The following APMAP variants were observed in gnomAD, a reference collection of about 807,000 sequenced individuals.
APMAP encodes adipocyte plasma membrane-associated protein.
In APMAP, 33 loss-of-function variants were observed where a neutral mutation model predicts 43.6. The ratio of observed to expected loss-of-function variants is 0.76; its 90% confidence interval spans 0.57 to 1.01. The LOEUF (loss-of-function observed/expected upper bound fraction) is 1.01. Ranked by LOEUF, APMAP falls within the 50% of genes least tolerant of loss-of-function variation. APMAP has a pLI of 0.00. For synonymous variants in APMAP, 224 were observed against 216.7 expected, an observed-to-expected ratio of 1.03 and a Z score of -0.30; for missense variants, 498 against 540.7, an observed-to-expected ratio of 0.92 and a Z score of 0.78.
intron 3 of APMAP, among the ~76,000 whole-genome samples, chr20:24,977,546 A>C (rs917018453): frequency 6.6e-6 from 1 of 152,226 alleles, no homozygotes; most frequent in African/African-American, 2.4e-5. Flanking sequence ...CAGCAGTGGC[A>C]GGTCCCTGCG....
intron 1 of APMAP, among the ~76,000 whole-genome samples, chr20:24,990,551 C>T (rs1009995824): frequency 2.0e-5 from 3 of 152,194 alleles, no homozygotes; most frequent in African/African-American, 7.2e-5. Flanking sequence ...ATATGTCTTT[C>T]AAGGCTTCCT....
At chr20:24,991,402 G>A (rs1183032750) in intron 1 of APMAP, among the ~76,000 whole-genome samples, 2 of 152,192 alleles carry the variant, frequency 1.3e-5, no homozygotes, top group Admixed American at 6.5e-5. Flanking sequence ...GGAAACCCCA[G>A]TCCAGGGCAA....
Position 24,963,022 on chromosome 20 carries a change from T to C in APMAP, c.*791A>G, listed in dbSNP as rs1020023921. 1.3e-5 allele frequency: 2 copies of C among 152,184 alleles called. No individual in the cohort carries two copies. The highest frequency in any genetic ancestry group is 4.8e-5 in the African/African-American group (2 of 41,430). 9.4% of individuals were successfully genotyped at this position (152,184 alleles called of 1,614,324 possible). A position where few individuals can be genotyped will look rare whatever the true frequency, so the allele number is the denominator to read the frequency against. Reference sequence around the variant, plus strand: ...TGAAAATATACAGCAACTTGGGGCTTATAACACATGAGCAAAGATGACATT... The same window carrying C: ...TGAAAATATACAGCAACTTGGGGCTCATAACACATGAGCAAAGATGACATT... On this transcript the variant is annotated 3_prime_UTR_variant, in exon 9 of 9. Coordinates refer to ENST00000217456, the MANE Select transcript of APMAP (RefSeq NM_020531.3).
At position 24,978,894 on chromosome 20, in the gene APMAP, T is replaced by C. The variant is rs753776971; in HGVS notation, c.213-12A>G. On this transcript the variant is annotated splice_polypyrimidine_tract_variant and intron_variant, in intron 2 of 8. Coordinates refer to ENST00000217456, the MANE Select transcript of APMAP (RefSeq NM_020531.3). ...GGGGTTCTTTGAAGCTGCAAAATAA[T>C]GCAATTCCAGAGATCTGTCTATAAA... 1.3e-6 allele frequency: 2 copies of C among 1,593,100 alleles called. No homozygotes were observed. The highest frequency in any genetic ancestry group is 3.3e-5 in the Admixed American group (2 of 59,958).
At chr20:24,971,209 GA>G (rs1445625636) in intron 5 of APMAP, among the ~76,000 whole-genome samples, 3 of 152,188 alleles carry the variant, frequency 2.0e-5, no homozygotes, top group African/African-American at 4.8e-5. Context: ...GTCCTTTTGA[GA>G]CCCTGTGGCT....
chr20:24,982,833 C>T (rs1400356840), intron 2 of APMAP, among the ~76,000 whole-genome samples: 1 of 151,234 alleles, frequency 6.6e-6, no homozygotes, highest in Admixed American at 6.6e-5. Context: ...ATCAGGGGAC[C>T]CCCCCCCGCC....
Position 24,983,644 on chromosome 20 carries a change from T to C in APMAP, c.212+259A>G, listed in dbSNP as rs2088123036. On this transcript the variant is annotated intron_variant, in intron 2 of 8. Transcript: ENST00000217456. ...TTATAGTTGACTGTCTAATGATTAT[T>C]AAGCTTCTCTAATTTTGAATTTTTG... Among the ~76,000 whole-genome samples, 3 of 152,250 alleles carry C rather than the reference T, an allele frequency of 2.0e-5. No homozygotes were observed. In the South Asian group the frequency reaches 6.2e-4, roughly 32 times the overall value.
intron 1 of APMAP, among the ~76,000 whole-genome samples, chr20:24,989,537 T>C (rs1164586233): frequency 6.6e-6 from 1 of 152,190 alleles, no homozygotes; most frequent in Admixed American, 6.5e-5. Context: ...AATTCACCTG[T>C]GATTGTTGTG....
rs371599172 is a variant in APMAP, at chr20:24,971,571, G to C, written c.427C>G (p.Arg143Gly). 85 of 1,613,746 alleles carry C rather than the reference G, an allele frequency of 5.3e-5. No homozygotes were observed. Among genetic ancestry groups the C allele is most frequent in the Non-Finnish European group, 7.2e-5 (85 of 1,179,768 alleles). ...ARFGSGPCKT[R>G]DDEPVCGRPL... Reference sequence around the variant, plus strand: ...CTCCCACACACAGGCTCATCATCTCGGGTTTCTAGAAAAACAAACAGATGG... The same window carrying C: ...CTCCCACACACAGGCTCATCATCTCCGGTTTCTAGAAAAACAAACAGATGG... Residue 143 changes from arginine to glycine, a missense_variant, in exon 5 of 9, where the codon CGA becomes GGA. Transcript: ENST00000217456.
chr20:24,985,828 G>A (rs975197002), intron 1 of APMAP, among the ~76,000 whole-genome samples: 1 of 148,394 alleles, frequency 6.7e-6, no homozygotes. Flanking sequence ...GGGGAGCATA[G>A]CAGGAAAAAA....
intron 1 of APMAP, among the ~76,000 whole-genome samples, chr20:24,989,081 T>C (rs2088170797): frequency 6.6e-6 from 1 of 152,008 alleles, no homozygotes; most frequent in African/African-American, 2.4e-5. Flanking sequence ...TTCTTCTGTC[T>C]TTTCTCGGTG....
intron 1 of APMAP, among the ~76,000 whole-genome samples, chr20:24,986,872 G>C (rs954909042): frequency 2.0e-5 from 3 of 152,232 alleles, no homozygotes; most frequent in Non-Finnish European, 4.4e-5. Context: ...CAAGAGGAGG[G>C]AGTGGAGGAT....
In APMAP at chr20:24,964,886, A is replaced by G. The variant is rs141506993; in HGVS notation, c.1042-864T>C. Among the ~76,000 whole-genome samples the G allele has an allele frequency of 7.5e-4, 114 of 152,278 alleles. 1 individual carries two copies. Among genetic ancestry groups the G allele is most frequent in the African/African-American group, 2.6e-3 (107 of 41,554 alleles). On this transcript the variant is annotated intron_variant, in intron 8 of 8. Coordinates refer to ENST00000217456, the MANE Select transcript of APMAP (RefSeq NM_020531.3). The stretch of plus-strand genomic sequence containing the variant: ...GACAAGCTGACTAGACTCTAGGTTC[A>G]ACAGCGATAGATCAACTGCATTACA...
chr20:24,968,496 G>A (rs2087965555), intron 8 of APMAP, among the ~76,000 whole-genome samples: 1 of 152,230 alleles, frequency 6.6e-6, no homozygotes, highest in South Asian at 2.1e-4. Flanking sequence ...TTTCCCTGAG[G>A]AGGCAGAGAG....
chr20:24,964,409 C>T, intron 8 of APMAP: 1 of 487,552 alleles, frequency 2.1e-6, no homozygotes, highest in South Asian at 1.5e-5. Context: ...CTGGAATACA[C>T]AAGTCTTCTG....
intron 5 of APMAP, among the ~76,000 whole-genome samples, chr20:24,970,780 C>T (rs998555246): frequency 1.3e-5 from 2 of 152,160 alleles, no homozygotes; most frequent in African/African-American, 2.4e-5. Flanking sequence ...TAAGCACTCT[C>T]GAGGTGTGAT....
In APMAP at chr20:24,992,581, G is replaced by A; in HGVS notation, c.95+13C>T. ...GGCCCGGCTCCAGCGCCCAGTCTGG[G>A]AGTCCGCCCTACCTGCCGTCCTTAG... On this transcript the variant is annotated intron_variant, in intron 1 of 8. Coordinates refer to ENST00000217456, the MANE Select transcript of APMAP (RefSeq NM_020531.3). The A allele has an allele frequency of 1.3e-6, 2 of 1,524,736 alleles. No individual in the cohort carries two copies. Among genetic ancestry groups the A allele is most frequent in the African/African-American group, 2.8e-5 (2 of 71,364 alleles). 94.5% of individuals were successfully genotyped at this position (1,524,736 alleles called of 1,614,324 possible). A position where few individuals can be genotyped will look rare whatever the true frequency, so the allele number is the denominator to read the frequency against.
intron 1 of APMAP, 54 bp downstream of exon 1, chr20:24,992,528 TCCAAGAGGGTCG>T (rs2088203156): frequency 4.4e-6 from 6 of 1,355,814 alleles, no homozygotes; most frequent in Non-Finnish European, 5.9e-6. Context: ...GTCGCCGCTG[TCCAAGAGGGTCG>T]CCCTCCACTC....
At chr20:24,986,456 C>G (rs1006722789) in intron 1 of APMAP, among the ~76,000 whole-genome samples, 2 of 152,192 alleles carry the variant, frequency 1.3e-5, no homozygotes. Flanking sequence ...CTCTCCCTCC[C>G]AGTCCTGTCT....
Sources: allele counts gnomAD v4.1 joint callset (sites outside exome capture counted in the v4.1 genomes callset), GRCh38; gene constraint gnomAD v4.1.1; transcripts MANE v1.5; gene names NCBI Gene and HGNC (gene_info 2026-07-23, HGNC 2026-07-21).